Variants in CENPF observed in about 807,000 individuals in gnomAD.
The protein encoded by CENPF is centromere protein F.
In CENPF, 214 loss-of-function variants were observed where a neutral mutation model predicts 307.3. The observed-to-expected ratio is 0.70, with a 90% confidence interval of 0.62 to 0.78. The LOEUF (loss-of-function observed/expected upper bound fraction) is 0.78. CENPF is among the 30% of genes least tolerant of loss of function. The pLI is 0.00. For synonymous variants in CENPF, 1,259 were observed against 1,270.6 expected, an observed-to-expected ratio of 0.99 and a Z score of 0.19; for missense variants, 3,401 against 3,483.9, an observed-to-expected ratio of 0.98 and a Z score of 0.60.
At chr1:214,633,755 A>C (rs534395705) in intron 10 of CENPF, among the ~76,000 whole-genome samples, 1 of 152,342 alleles carries the variant, frequency 6.6e-6, no homozygotes, top group South Asian at 2.1e-4. Context: ...GAAAACTTCA[A>C]ATCAGATGAT....
At position 214,652,160 on chromosome 1, in the gene CENPF, C is replaced by T. The variant is rs754976277; in HGVS notation, c.8160+274C>T. ...GCACCATTCTCCTACCTCAGCCTCC[C>T]GAGTAGCTGGGACTACAGGTGCCCG... On this transcript the variant is annotated intron_variant, in intron 15 of 19. Transcript: ENST00000366955. Among the ~76,000 whole-genome samples, 8 of 150,522 alleles carry T rather than the reference C, an allele frequency of 5.3e-5. 1 individual carries two copies. The highest frequency in any genetic ancestry group is 4.2e-4 in the South Asian group (2 of 4,762).
intron 3 of CENPF, among the ~76,000 whole-genome samples, chr1:214,616,561 A>G (rs10436980): frequency 0.084 from 12,852 of 152,180 alleles, 1,801 homozygotes; most frequent in African/African-American, 0.29. Flanking sequence ...TTTCCTATTA[A>G]TTACAAGTTG....
intron 1 of CENPF, chr1:214,612,884 T>C (rs1657236380): frequency 6.1e-6 from 1 of 163,456 alleles, no homozygotes. Flanking sequence ...GAAAATTTAC[T>C]ACTGTGGAAG....
intron 3 of CENPF, among the ~76,000 whole-genome samples, chr1:214,615,420 A>T (rs1054735982): frequency 6.6e-6 from 1 of 152,204 alleles, no homozygotes; most frequent in African/African-American, 2.4e-5. Flanking sequence ...TGATAGTATG[A>T]TAGTACTTGT....
intron 17 of CENPF, among the ~76,000 whole-genome samples, chr1:214,655,954 G>A (rs1186107589): frequency 6.6e-6 from 1 of 152,132 alleles, no homozygotes; most frequent in African/African-American, 2.4e-5. Context: ...GGAAAAAACT[G>A]GTGGAACTTT....
rs529067431 is a variant in CENPF, at chr1:214,613,974, G to A, written c.162+58G>A. ...CACTCATTATTGACAGAGAAGTGCT[G>A]GTATTTAAAACTGTTCACTCATTTT... On this transcript the variant is annotated intron_variant, in intron 2 of 19. Transcript: ENST00000366955. The A allele has an allele frequency of 2.3e-4, 331 of 1,452,188 alleles. 1 individual carries two copies. In the African/African-American group the frequency reaches 4.5e-3, roughly 20 times the overall value. 90.0% of individuals were successfully genotyped at this position (1,452,188 alleles called of 1,614,324 possible).
rs781667295 is a variant in CENPF at position 214,640,777 on chromosome 1, A to G, written c.2439A>G (p.Glu813=). 3 of 1,613,308 alleles carry G rather than the reference A, an allele frequency of 1.9e-6. No individual in the cohort carries two copies. Among genetic ancestry groups the G allele is most frequent in the Non-Finnish European group, 2.5e-6 (3 of 1,179,784 alleles). ...EQGSMPSERS[E]CRLEADQSPK... ...GAAGCATGCCTTCAGAGAGGAGTGAATGTCGTTTAGAAGCAGACCAAAGTC... is the reference window on the plus strand; with the variant it reads ...GAAGCATGCCTTCAGAGAGGAGTGAGTGTCGTTTAGAAGCAGACCAAAGTC... The change falls in exon 12 of 20, where the codon GAA becomes GAG. Residue 813 remains glutamate, a synonymous_variant. Coordinates refer to ENST00000366955, the MANE Select transcript of CENPF (RefSeq NM_016343.4).
At chr1:214,652,095 G>T (rs1658481161) in intron 15 of CENPF, among the ~76,000 whole-genome samples, 1 of 137,984 alleles carries the variant, frequency 7.2e-6, no homozygotes, top group African/African-American at 3.1e-5. Context: ...TTGAGATGGG[G>T]TCTCTCTCTG....
chr1:214,663,813 T>G lies in CENPF; in HGVS notation c.*19T>G. The G allele has an allele frequency of 1.2e-6, 2 of 1,602,636 alleles. No homozygotes were observed. Among genetic ancestry groups the G allele is most frequent in the Non-Finnish European group, 1.7e-6 (2 of 1,171,012 alleles). ...CCAGTGAAGGCACTTTGTGTGTCAG[T>G]ACCCCTGGGAGGTGCCAGTCATTGA... On this transcript the variant is annotated 3_prime_UTR_variant, in exon 20 of 20. Transcript: ENST00000366955.
chr1:214,647,338 T>C lies in CENPF; in HGVS notation c.7768T>C (p.Tyr2590His). Reference sequence around the variant, plus strand: ...CACATTAGAAGTGCTGCAGAGTTCTTACAAGAATCTAGAGAATGAGCTTGA... The same window carrying C: ...CACATTAGAAGTGCTGCAGAGTTCTCACAAGAATCTAGAGAATGAGCTTGA... Reference protein sequence around the residue: ...QDTLEVLQSSYKNLENELELT... With the variant: ...QDTLEVLQSSHKNLENELELT... The change falls in exon 13 of 20, where the codon TAC (tyrosine) becomes CAC (histidine). Residue 2590 changes from tyrosine to histidine, a missense_variant. Transcript: ENST00000366955. 6.2e-7 allele frequency: 1 copy of C among 1,613,168 alleles called. No homozygotes were observed. The highest frequency in any genetic ancestry group is 8.5e-7 in the Non-Finnish European group (1 of 1,179,736).
In CENPF at chr1:214,622,082, T is replaced by A. The variant is rs1019376434; in HGVS notation, c.869T>A (p.Leu290Gln). ...LDQLKAQNQE[L>Q]RNKINELELR... ...TGATTTTTGTTTGTGGTTCAAGAGC[T>A]AAGAAACAAGATTAATGAGTTGGAA... Residue 290 changes from leucine (L) to glutamine (Q), a missense_variant, in exon 7 of 20, where the codon CTA (leucine) becomes CAA (glutamine). Physicochemically the swap from Leu to Gln is moderately radical, Grantham distance 113. Transcript: ENST00000366955. 4 of 1,612,300 alleles carry A rather than the reference T, an allele frequency of 2.5e-6. No individual in the cohort carries two copies. The African/African-American group carries it at 5.4e-5, about 22-fold the overall frequency.
At chr1:214,648,869 C>G (rs1201438684) in intron 14 of CENPF, 42 bp downstream of exon 14, 2 of 1,583,254 alleles carry the variant, frequency 1.3e-6, no homozygotes, top group Non-Finnish European at 1.7e-6. Context: ...TCTGTTAATT[C>G]ATTGTGCACA....
In CENPF at chr1:214,614,855, T is replaced by C; in HGVS notation, c.186T>C (p.Gly62=). Reference sequence around the variant, plus strand: ...AGGTTGAAAATGAAAAAACCGAGGGTACAAACCTGAAAAGGGAGAATCAAA... The same window carrying C: ...AGGTTGAAAATGAAAAAACCGAGGGCACAAACCTGAAAAGGGAGAATCAAA... ...KQKVENEKTE[G]TNLKRENQRL... is the part of the protein sequence containing the mutation. The change falls in exon 3 of 20, where the codon GGT becomes GGC. Residue 62 remains glycine (G), a synonymous_variant. Transcript: ENST00000366955. 6.3e-7 allele frequency: 1 copy of C among 1,597,474 alleles called. No homozygotes were observed. Among genetic ancestry groups the C allele is most frequent in the Non-Finnish European group, 8.5e-7 (1 of 1,174,238 alleles).
chr1:214,622,376 T>A, intron 7 of CENPF, 95 bp downstream of exon 7: 1 of 1,040,886 alleles, frequency 9.6e-7, no homozygotes, highest in Non-Finnish European at 1.4e-6. Context: ...GAAATGTCAG[T>A]AATGTTCTTT....
In CENPF at chr1:214,642,064, A is replaced by T. The variant is rs551145011; in HGVS notation, c.3726A>T (p.Arg1242Ser). 16 of 1,611,406 alleles carry T rather than the reference A, an allele frequency of 9.9e-6. No homozygotes were observed. The highest frequency in any genetic ancestry group is 1.4e-5 in the Non-Finnish European group (16 of 1,179,254). Reference protein sequence around the residue: ...ECLQHELQTIRGDLETSNLQD... With the variant: ...ECLQHELQTISGDLETSNLQD... Reference sequence around the variant, plus strand: ...TGCAGCATGAATTACAGACAATTAGAGGAGATCTTGAAACCAGCAATTTGC... The same window carrying T: ...TGCAGCATGAATTACAGACAATTAGTGGAGATCTTGAAACCAGCAATTTGC... Residue 1242 changes from arginine (R) to serine (S), a missense_variant, in exon 12 of 20, where the codon AGA (arginine) becomes AGT (serine). Physicochemically the swap from Arg to Ser is moderately radical, Grantham distance 110 (BLOSUM62 -1). Coordinates refer to ENST00000366955, the MANE Select transcript of CENPF (RefSeq NM_016343.4).
chr1:214,630,866 A>G (rs1204882509), intron 9 of CENPF, among the ~76,000 whole-genome samples: 2 of 152,212 alleles, frequency 1.3e-5, no homozygotes, highest in African/African-American at 4.8e-5. Flanking sequence ...TTAGGATTTC[A>G]GATCCGAAAG....
chr1:214,625,995 A>G lies in CENPF; in HGVS notation c.1069-3051A>G, dbSNP rs143670364. 1.4e-3 allele frequency among the ~76,000 whole-genome samples: 211 copies of G among 152,310 alleles called. 2 individuals are homozygous for G. The highest frequency in any genetic ancestry group is 4.9e-3 in the African/African-American group (204 of 41,570). On this transcript the variant is annotated intron_variant, in intron 7 of 19. Coordinates refer to ENST00000366955, the MANE Select transcript of CENPF (RefSeq NM_016343.4). ...GAAAGCCTATTATATTTGTGTGTGT[A>G]TGTTTATATATACGTGTGTGTGTAT...
intron 10 of CENPF, among the ~76,000 whole-genome samples, chr1:214,635,243 C>T (rs999899691): frequency 6.6e-6 from 1 of 152,236 alleles, no homozygotes; most frequent in Non-Finnish European, 1.5e-5. Context: ...AGTATATAGG[C>T]TTCGCCCAGC....
chr1:214,644,618 A>G lies in CENPF; in HGVS notation c.5048A>G (p.Glu1683Gly). ...ISKEHTSETT[E>G]RTPKHDVHQI... ...AAAGAACATACTTCAGAAACTACAGAAAGAACACCAAAGCATGATGTTCAT... is the reference window on the plus strand; with the variant it reads ...AAAGAACATACTTCAGAAACTACAGGAAGAACACCAAAGCATGATGTTCAT... The change falls in exon 13 of 20, where the codon GAA becomes GGA. Residue 1683 changes from glutamate to glycine, a missense_variant. Physicochemically the swap from Glu to Gly is moderately conservative, Grantham distance 98. Coordinates refer to ENST00000366955, the MANE Select transcript of CENPF (RefSeq NM_016343.4). 4 of 1,613,820 alleles carry G rather than the reference A, an allele frequency of 2.5e-6. No homozygotes were observed. The highest frequency in any genetic ancestry group is 2.5e-6 in the Non-Finnish European group (3 of 1,179,868).
Sources: gnomAD v4.1 joint callset for allele counts (sites outside exome capture counted in the v4.1 genomes callset) on GRCh38, gnomAD v4.1.1 for gene constraint, MANE v1.5 for transcripts, NCBI Gene and HGNC (gene_info 2026-07-23, HGNC 2026-07-21) for gene names.